SLC25A37: variants seen among roughly 807,000 people sequenced by gnomAD.
SLC25A37 encodes solute carrier family 25 member 37, also known as mitoferrin-1.
A neutral mutation model predicts 31.0 loss-of-function variants in SLC25A37; 17 were observed. The observed-to-expected ratio is 0.55, with a 90% CI of 0.38 to 0.82. SLC25A37 has a LOEUF of 0.82. SLC25A37 is among the 40% of genes least tolerant of loss of function. The probability of loss-of-function intolerance (pLI) is 0.00; values close to 1 mark genes in which losing one functional copy is unlikely to be tolerated. For synonymous variants in SLC25A37, 222 were observed against 193.0 expected (o/e 1.15, Z -1.24); for missense variants, 404 against 465.8 (o/e 0.87, Z 1.22).
rs1802723706 is a variant in SLC25A37, at chr8:23,568,356, T to C, written c.474T>C (p.Asp158=). ...GGAGTATGGCCACCCTGCTCCACGA[T>C]GCGGTAATGAATCCAGCAGAAGGTA... ...IAGSMATLLH[D]AVMNPAEVVK... is the part of the protein sequence containing the mutation. Residue 158 remains aspartate, a synonymous_variant, in exon 3 of 4, where the codon GAT becomes GAC. Transcript: ENST00000519973. The C allele has an allele frequency of 6.2e-7, 1 of 1,613,826 alleles. No individual in the cohort carries two copies. The highest frequency in any genetic ancestry group is 8.5e-7 in the Non-Finnish European group (1 of 1,179,866).
At position 23,575,091 on chromosome 8, in the gene SLC25A37, A is replaced by C. The variant is rs1376578274; in HGVS notation, c.*3236A>C. On this transcript the variant is annotated 3_prime_UTR_variant, in exon 4 of 4. Coordinates refer to ENST00000519973, the MANE Select transcript of SLC25A37 (RefSeq NM_016612.4). Reference sequence around the variant, plus strand: ...ATTCTATGTGTAGTTTGCTTTCTTCATTTTTTTTTCTTTTAAAATGCTCAT... The same window carrying C: ...ATTCTATGTGTAGTTTGCTTTCTTCCTTTTTTTTTCTTTTAAAATGCTCAT... The C allele has an allele frequency of 6.6e-6, 1 of 150,984 alleles. No homozygotes were observed. The highest frequency in any genetic ancestry group is 1.5e-5 in the Non-Finnish European group (1 of 67,728). 9.4% of individuals were successfully genotyped at this position (150,984 alleles called of 1,614,324 possible). A position where few individuals can be genotyped will look rare whatever the true frequency, so the allele number is the denominator to read the frequency against.
At chr8:23,568,497 A>T in intron 3 of SLC25A37, 119 bp downstream of exon 3, 4 of 1,083,806 alleles carry the variant, frequency 3.7e-6, no homozygotes, top group Middle Eastern at 4.8e-4. Flanking sequence ...CTCCAGTCAG[A>T]GCAGACAGGA....
chr8:23,542,377 C>CTTTTTTTTTTTT (rs59713954), intron 1 of SLC25A37, among the ~76,000 whole-genome samples: 10 of 118,110 alleles, frequency 8.5e-5, no homozygotes, highest in East Asian at 8.3e-4. Context: ...TGTACTCCTA[C>CTTTTTTTTTTTT]TTTTTTTTTT....
chr8:23,567,149 G>C (rs575965336), intron 2 of SLC25A37: 6 of 152,148 alleles, frequency 3.9e-5, no homozygotes, highest in Admixed American at 2.6e-4. Flanking sequence ...CTTTTATTTT[G>C]ACAAAATTCA....
chr8:23,558,714 TG>T (rs1393519637), intron 1 of SLC25A37, among the ~76,000 whole-genome samples: 1 of 152,236 alleles, frequency 6.6e-6, no homozygotes, highest in Non-Finnish European at 1.5e-5. Flanking sequence ...GGAGCAGATC[TG>T]GAGCTGGAGG....
At chr8:23,559,099 A>G (rs1007656633) in intron 1 of SLC25A37, among the ~76,000 whole-genome samples, 8 of 152,238 alleles carry the variant, frequency 5.3e-5, no homozygotes, top group Non-Finnish European at 2.9e-5. Context: ...CAAGGCTTGC[A>G]TTGCTAAAGA....
intron 1 of SLC25A37, among the ~76,000 whole-genome samples, chr8:23,548,406 C>T (rs1802126843): frequency 1.3e-5 from 2 of 151,202 alleles, no homozygotes; most frequent in South Asian, 4.2e-4. Flanking sequence ...TCTCAATCTC[C>T]TGACCTTGTG....
chr8:23,535,581 T>C (rs964934383), intron 1 of SLC25A37, among the ~76,000 whole-genome samples: 2 of 152,208 alleles, frequency 1.3e-5, no homozygotes, highest in Non-Finnish European at 2.9e-5. Context: ...CTAACCTCTC[T>C]AAGCTCAGGT....
chr8:23,553,258 C>G (rs1802276445), intron 1 of SLC25A37, among the ~76,000 whole-genome samples: 1 of 151,732 alleles, frequency 6.6e-6, no homozygotes, highest in Non-Finnish European at 1.5e-5. Context: ...CAGTCTCTAC[C>G]AAAAAACACA....
At chr8:23,567,018 C>G (rs1167520582) in intron 2 of SLC25A37, 1 of 166,046 alleles carries the variant, frequency 6.0e-6, no homozygotes, top group Non-Finnish European at 1.2e-5. Flanking sequence ...GCCAGCAGCT[C>G]TTACGTAAGG....
intron 1 of SLC25A37, among the ~76,000 whole-genome samples, chr8:23,533,529 T>C (rs992391529): frequency 1.3e-5 from 2 of 152,222 alleles, no homozygotes; most frequent in African/African-American, 4.8e-5. Flanking sequence ...CTTGCAGCAG[T>C]GACCAGTCTT....
intron 3 of SLC25A37, among the ~76,000 whole-genome samples, chr8:23,569,248 G>C (rs1473516809): frequency 6.6e-6 from 1 of 152,200 alleles, no homozygotes; most frequent in African/African-American, 2.4e-5. Flanking sequence ...GGGCGACAGA[G>C]CAAGACTGCC....
chr8:23,538,211 T>A, intron 1 of SLC25A37, among the ~76,000 whole-genome samples: 1 of 150,686 alleles, frequency 6.6e-6, no homozygotes. Flanking sequence ...CAAAACCCCG[T>A]CTCTACTAAA....
chr8:23,553,434 A>G (rs1264030288), intron 1 of SLC25A37, among the ~76,000 whole-genome samples: 1 of 113,416 alleles, frequency 8.8e-6, no homozygotes, highest in Non-Finnish European at 1.8e-5. Flanking sequence ...AAAGAAAAAA[A>G]CAAAAAACAA....
intron 1 of SLC25A37, among the ~76,000 whole-genome samples, chr8:23,535,106 A>G (rs1801739018): frequency 1.3e-5 from 2 of 152,188 alleles, no homozygotes; most frequent in South Asian, 2.1e-4. Flanking sequence ...CTGGACCCCA[A>G]GATTGACTGC....
At chr8:23,532,997 A>G (rs1393963722) in intron 1 of SLC25A37, among the ~76,000 whole-genome samples, 1 of 152,138 alleles carries the variant, frequency 6.6e-6, no homozygotes, top group Non-Finnish European at 1.5e-5. Flanking sequence ...CAAAACTATA[A>G]TGATTTTTCT....
intron 1 of SLC25A37, among the ~76,000 whole-genome samples, chr8:23,544,406 G>C (rs1480074855): frequency 6.6e-6 from 1 of 152,148 alleles, no homozygotes; most frequent in Non-Finnish European, 1.5e-5. Flanking sequence ...CGTCATTTGC[G>C]ATGCGTGACT....
chr8:23,564,784 G>C (rs767919613), intron 1 of SLC25A37, among the ~76,000 whole-genome samples: 4 of 152,094 alleles, frequency 2.6e-5, no homozygotes, highest in Admixed American at 6.5e-5. Context: ...GCTACATAGA[G>C]AGGTTATCTG....
chr8:23,557,191 G>A (rs546499648), intron 1 of SLC25A37, among the ~76,000 whole-genome samples: 3 of 152,300 alleles, frequency 2.0e-5, no homozygotes, highest in South Asian at 4.2e-4. Context: ...AAGGGCCAGG[G>A]TGGGACTATC....
Sources: allele counts gnomAD v4.1 joint callset (sites outside exome capture counted in the v4.1 genomes callset), GRCh38; gene constraint gnomAD v4.1.1; transcripts MANE v1.5; gene names NCBI Gene and HGNC (gene_info 2026-07-23, HGNC 2026-07-21).